The following MAST4 variants were observed in gnomAD, a reference collection of about 807,000 sequenced individuals.
MAST4 encodes microtubule associated serine/threonine kinase family member 4.
MAST4 carries 89 observed loss-of-function variants against 162.7 expected under a neutral mutation model. The ratio of observed to expected loss-of-function variants is 0.55; its 90% CI spans 0.46 to 0.65. The LOEUF is 0.65. Among genes scored for constraint, MAST4 ranks in the 30% least tolerant of loss-of-function variants. The probability of loss-of-function intolerance (pLI) is 0.00; values close to 1 mark genes in which losing one functional copy is unlikely to be tolerated. For synonymous variants in MAST4, 1,479 were observed against 1,361.1 expected, an observed-to-expected ratio of 1.09 and a Z score of -1.91; for missense variants, 3,153 against 3,374.0, an observed-to-expected ratio of 0.93 and a Z score of 1.62.
intron 4 of MAST4, among the ~76,000 whole-genome samples, chr5:66,956,064 C>T (rs1420813107): frequency 2.0e-5 from 3 of 151,500 alleles, no homozygotes; most frequent in African/African-American, 7.3e-5. Flanking sequence ...CTTAAGTAAT[C>T]CTCCCACCTC....
At chr5:67,121,789 G>A (rs1205996761) in intron 14 of MAST4, among the ~76,000 whole-genome samples, 1 of 152,032 alleles carries the variant, frequency 6.6e-6, no homozygotes, top group Non-Finnish European at 1.5e-5. Flanking sequence ...GCTGCGGGTT[G>A]GATAAGTGTG....
rs766568915 is a variant in MAST4, at chr5:67,095,584, ACT to A, written c.834-12_834-11del. The A allele has an allele frequency of 3.1e-6, 5 of 1,600,466 alleles. 1 individual carries two copies. The South Asian group carries it at 5.7e-5, about 18-fold the overall frequency. On this transcript the variant is annotated splice_polypyrimidine_tract_variant and intron_variant, in intron 6 of 28. Transcript: ENST00000403625. ...GCCAGTGTTGGCCTAAGCTAAACTC[ACT>A]TTCTCAATAGGACTGATGGACGCCG...
rs192924410 is a variant in MAST4 at position 66,648,174 on chromosome 5, A to G, written c.363+51156A>G. On this transcript the variant is annotated intron_variant, in intron 1 of 28. Transcript: ENST00000403625. Reference sequence around the variant, plus strand: ...AATTTAGGCCATAATATATAAAAAAAAATCACAATTCTGAAGCTGCTTTTT... The same window carrying G: ...AATTTAGGCCATAATATATAAAAAAGAATCACAATTCTGAAGCTGCTTTTT... 3.2e-4 allele frequency among the ~76,000 whole-genome samples: 49 copies of G among 152,064 alleles called. 1 individual carries two copies. Among genetic ancestry groups the G allele is most frequent in the Admixed American group, 2.8e-3 (43 of 15,230 alleles).
intron 3 of MAST4, among the ~76,000 whole-genome samples, chr5:66,860,980 G>A (rs767649629): frequency 1.3e-5 from 2 of 152,142 alleles, no homozygotes; most frequent in Admixed American, 6.5e-5. Context: ...TGAGTCTGGT[G>A]CTCGGAAGGC....
chr5:67,061,709 C>T (rs1737611978), intron 5 of MAST4, among the ~76,000 whole-genome samples: 1 of 151,792 alleles, frequency 6.6e-6, no homozygotes, highest in African/African-American at 2.4e-5. Flanking sequence ...CTTCCCCTCC[C>T]TCTTTCTGCT....
At chr5:66,743,090 G>A (rs1237363471) in intron 1 of MAST4, among the ~76,000 whole-genome samples, 1 of 152,086 alleles carries the variant, frequency 6.6e-6, no homozygotes, top group East Asian at 1.9e-4. Flanking sequence ...CTTCCTTTTG[G>A]TCTTTGTTCG....
At chr5:67,011,859 G>C (rs1439044594) in intron 4 of MAST4, among the ~76,000 whole-genome samples, 1 of 152,188 alleles carries the variant, frequency 6.6e-6, no homozygotes, top group Non-Finnish European at 1.5e-5. Context: ...GAGGGAGGAA[G>C]CGAGGAAAGA....
At position 67,142,958 on chromosome 5, in the gene MAST4, A is replaced by G. The variant is rs191838223; in HGVS notation, c.2730+425A>G. ...CCTTGAACGTCTCTCACCTGGCTCA[A>G]TGCCAGGCTGCAGAGGTATCACTCA... On this transcript the variant is annotated intron_variant, in intron 21 of 28. Transcript: ENST00000403625. 260 of 162,244 alleles carry G rather than the reference A, an allele frequency of 1.6e-3. 1 individual carries two copies. The highest frequency in any genetic ancestry group is 2.9e-3 in the South Asian group (16 of 5,614). The allele number at this position is 162,244 out of a possible 1,614,324, so 10.1% of individuals were successfully genotyped here.
intron 1 of MAST4, among the ~76,000 whole-genome samples, chr5:66,679,523 T>C (rs749969065): frequency 1.3e-5 from 2 of 152,062 alleles, no homozygotes; most frequent in Non-Finnish European, 2.9e-5. Flanking sequence ...GTGTATAAAC[T>C]TCGCTGAAGA....
chr5:67,116,330 C>T (rs922900457), intron 12 of MAST4, among the ~76,000 whole-genome samples: 2 of 151,670 alleles, frequency 1.3e-5, no homozygotes, highest in African/African-American at 2.4e-5. Context: ...CTCAGCCTCC[C>T]GAGTATCTGG....
At chr5:66,713,173 T>A (rs1244860903) in intron 1 of MAST4, among the ~76,000 whole-genome samples, 1 of 152,228 alleles carries the variant, frequency 6.6e-6, no homozygotes, top group Non-Finnish European at 1.5e-5. Context: ...AATACTAATC[T>A]TGTTTGTATG....
intron 2 of MAST4, among the ~76,000 whole-genome samples, chr5:66,775,780 G>A (rs892691448): frequency 6.6e-6 from 1 of 152,150 alleles, no homozygotes; most frequent in African/African-American, 2.4e-5. Flanking sequence ...TGTCACTTCA[G>A]AAGTAGGGAC....
At chr5:67,065,021 T>C (rs1760061795) in intron 5 of MAST4, among the ~76,000 whole-genome samples, 1 of 152,240 alleles carries the variant, frequency 6.6e-6, no homozygotes, top group South Asian at 2.1e-4. Flanking sequence ...TATAATTACA[T>C]ATTTATTGCT....
intron 4 of MAST4, among the ~76,000 whole-genome samples, chr5:66,923,019 A>C (rs1764645937): frequency 6.6e-6 from 1 of 152,182 alleles, no homozygotes; most frequent in Non-Finnish European, 1.5e-5. Flanking sequence ...TGACTGAACA[A>C]ATATTTTCTT....
chr5:66,628,653 C>CA, intron 1 of MAST4, among the ~76,000 whole-genome samples: 1 of 152,142 alleles, frequency 6.6e-6, no homozygotes, highest in African/African-American at 2.4e-5. Flanking sequence ...GGGGGAAAGT[C>CA]ACGGTGAAGT....
chr5:66,922,476 CT>C (rs535455380), intron 4 of MAST4, among the ~76,000 whole-genome samples: 10 of 152,148 alleles, frequency 6.6e-5, no homozygotes, highest in Admixed American at 1.3e-4. Flanking sequence ...AATTTGGTCC[CT>C]AGTTATGAAT....
At chr5:66,811,800 G>A (rs929592100) in intron 3 of MAST4, among the ~76,000 whole-genome samples, 1 of 151,796 alleles carries the variant, frequency 6.6e-6, no homozygotes, top group African/African-American at 2.4e-5. Flanking sequence ...CTAAATAATG[G>A]TACCTGTCAG....
intron 4 of MAST4, among the ~76,000 whole-genome samples, chr5:67,017,471 A>C (rs1440675841): frequency 1.3e-5 from 2 of 152,222 alleles, no homozygotes; most frequent in Non-Finnish European, 2.9e-5. Flanking sequence ...TTGTTGAGAC[A>C]AGTTTATTGA....
In MAST4 at chr5:67,072,367, G is replaced by A. The variant is rs147941576; in HGVS notation, c.764-17795G>A. On this transcript the variant is annotated intron_variant, in intron 5 of 28. Coordinates refer to ENST00000403625, the MANE Select transcript of MAST4 (RefSeq NM_001164664.2). ...TTGATAAAATTAAACATCCATTTCT[G>A]CTAAAAATTATTTAGAAAATGAGAA... Among the ~76,000 whole-genome samples the A allele has an allele frequency of 2.9e-3, 440 of 152,232 alleles. 5 individuals are homozygous for A. The highest frequency in any genetic ancestry group is 0.01 in the African/African-American group (423 of 41,554).
Sources: gnomAD v4.1 joint callset for allele counts (sites outside exome capture counted in the v4.1 genomes callset) on GRCh38, gnomAD v4.1.1 for gene constraint, MANE v1.5 for transcripts, NCBI Gene and HGNC (gene_info 2026-07-23, HGNC 2026-07-21) for gene names.